Variants in PDE3A observed in about 807,000 individuals in gnomAD.
PDE3A encodes the protein cGMP-inhibited 3',5'-cyclic phosphodiesterase 3A.
A neutral mutation model predicts 98.3 loss-of-function variants in PDE3A; 43 were observed. The ratio of observed to expected loss-of-function variants is 0.44; its 90% CI spans 0.34 to 0.56. The LOEUF is 0.56. Ranked by LOEUF, PDE3A falls within the 20% of genes least tolerant of loss-of-function variation. The pLI is 0.01. For missense variants in PDE3A, 1,427 were observed against 1,440.7 expected, an observed-to-expected ratio of 0.99 and a Z score of 0.15; for synonymous variants, 663 against 567.9, an observed-to-expected ratio of 1.17 and a Z score of -2.38.
chr12:20,612,935 G>C (rs116735647), intron 2 of PDE3A, among the ~76,000 whole-genome samples: 2,799 of 151,816 alleles, frequency 0.018, 87 homozygotes, highest in African/African-American at 0.064. Flanking sequence ...CACACAAATG[G>C]AGTTTTTTTG....
intron 1 of PDE3A, among the ~76,000 whole-genome samples, chr12:20,515,084 G>A (rs1946292631): frequency 6.6e-6 from 1 of 152,172 alleles, no homozygotes; most frequent in African/African-American, 2.4e-5. Context: ...ATCAATCCCA[G>A]CCATGAGGGT....
chr12:20,496,946 A>G (rs1016099185), intron 1 of PDE3A, among the ~76,000 whole-genome samples: 1 of 152,234 alleles, frequency 6.6e-6, no homozygotes, highest in Non-Finnish European at 1.5e-5. Context: ...CTCAGGAAAC[A>G]TAAGAGAAGT....
rs865874002 is a variant in PDE3A at position 20,673,738 on chromosome 12, A to G, written c.3185-6292A>G. ...GGGGAGGGATAGCATTGGGAGATAT[A>G]CCTAATGCTAGATGACGAGTTAGTG... On this transcript the variant is annotated intron_variant, in intron 15 of 15. Coordinates refer to ENST00000359062, the MANE Select transcript of PDE3A (RefSeq NM_000921.5). 3.0e-3 allele frequency among the ~76,000 whole-genome samples: 433 copies of G among 146,444 alleles called. 3 individuals carry two copies. Among genetic ancestry groups the G allele is most frequent in the African/African-American group, 9.9e-3 (393 of 39,806 alleles).
chr12:20,658,990 A>G (rs1211126492), intron 15 of PDE3A, among the ~76,000 whole-genome samples: 1 of 152,154 alleles, frequency 6.6e-6, no homozygotes, highest in Non-Finnish European at 1.5e-5. Context: ...CTGTCATAAA[A>G]CATAGCACAT....
chr12:20,613,312 G>A, intron 2 of PDE3A, 131 bp from the exon 3 acceptor site: 1 of 808,884 alleles, frequency 1.2e-6, no homozygotes, highest in Non-Finnish European at 1.9e-6. Context: ...AATAGGTGGT[G>A]TGAATTTTAC....
intron 5 of PDE3A, among the ~76,000 whole-genome samples, chr12:20,626,128 T>C (rs1944257823): frequency 1.4e-5 from 2 of 147,628 alleles, no homozygotes; most frequent in Non-Finnish European, 2.9e-5. Flanking sequence ...TTGAAAGCAT[T>C]TTAGAAAATT....
chr12:20,420,487 A>G (rs1172213997), intron 1 of PDE3A, among the ~76,000 whole-genome samples: 1 of 152,168 alleles, frequency 6.6e-6, no homozygotes, highest in Non-Finnish European at 1.5e-5. Flanking sequence ...ATGAAACTCC[A>G]TTGGTAATGA....
chr12:20,674,396 A>G (rs922035377), intron 15 of PDE3A, among the ~76,000 whole-genome samples: 1 of 152,162 alleles, frequency 6.6e-6, no homozygotes, highest in South Asian at 2.1e-4. Context: ...AAGGCTTTCA[A>G]CTTTCCACAT....
At chr12:20,487,151 G>A (rs530743058) in intron 1 of PDE3A, among the ~76,000 whole-genome samples, 14 of 28,362 alleles carry the variant, frequency 4.9e-4, no homozygotes, top group East Asian at 0.031. Flanking sequence ...TTTGACTGGC[G>A]TAGTGTCTGT....
chr12:20,637,222 C>A lies in PDE3A; in HGVS notation c.2124C>A (p.Gly708=). ...TGGAAAATATAGGAAGAAAATGTGG[C>A]CGTATTCTTAGTCAGGTAAGAAATG... ...DLVENIGRKC[G]RILSQVSYRL... Residue 708 remains glycine, a synonymous_variant, in exon 9 of 16, where the codon GGC becomes GGA. Coordinates refer to ENST00000359062, the MANE Select transcript of PDE3A (RefSeq NM_000921.5). The A allele has an allele frequency of 6.2e-7, 1 of 1,606,186 alleles. No individual in the cohort carries two copies. The highest frequency in any genetic ancestry group is 8.5e-7 in the Non-Finnish European group (1 of 1,174,642).
At chr12:20,383,184 A>G (rs1387191368) in intron 1 of PDE3A, among the ~76,000 whole-genome samples, 2 of 151,960 alleles carry the variant, frequency 1.3e-5, no homozygotes, top group South Asian at 2.1e-4. Flanking sequence ...AGTGTGTCCT[A>G]TAACCCCACG....
intron 1 of PDE3A, among the ~76,000 whole-genome samples, chr12:20,530,415 A>T (rs1352689289): frequency 4.6e-5 from 7 of 152,148 alleles, no homozygotes; most frequent in Non-Finnish European, 1.0e-4. Context: ...TAATGTGAGT[A>T]TCCAATAATA....
intron 1 of PDE3A, among the ~76,000 whole-genome samples, chr12:20,492,846 T>A (rs1945852738): frequency 6.6e-6 from 1 of 152,100 alleles, no homozygotes; most frequent in Admixed American, 6.6e-5. Flanking sequence ...ATTTGTAAAA[T>A]CAGCCTCTTT....
chr12:20,576,103 A>G (rs781036376), intron 2 of PDE3A, among the ~76,000 whole-genome samples: 9 of 152,040 alleles, frequency 5.9e-5, no homozygotes, highest in Non-Finnish European at 1.2e-4. Context: ...ATGGAAAATG[A>G]GGTATCCATC....
At chr12:20,447,262 T>G (rs1250770412) in intron 1 of PDE3A, among the ~76,000 whole-genome samples, 1 of 152,198 alleles carries the variant, frequency 6.6e-6, no homozygotes, top group Non-Finnish European at 1.5e-5. Flanking sequence ...AATTGTGATA[T>G]TGTAAAATAT....
chr12:20,562,960 C>A (rs1942565653), intron 2 of PDE3A, among the ~76,000 whole-genome samples: 1 of 152,174 alleles, frequency 6.6e-6, no homozygotes. Flanking sequence ...AGACTATCAT[C>A]AGTATGCTTA....
At chr12:20,660,584 A>G (rs1046755438) in intron 15 of PDE3A, among the ~76,000 whole-genome samples, 2 of 152,136 alleles carry the variant, frequency 1.3e-5, no homozygotes, top group Admixed American at 6.5e-5. Flanking sequence ...AGATAATTGT[A>G]TCATCATGGC....
chr12:20,448,215 G>A (rs1328304206), intron 1 of PDE3A, among the ~76,000 whole-genome samples: 1 of 152,120 alleles, frequency 6.6e-6, no homozygotes, highest in East Asian at 1.9e-4. Flanking sequence ...CGAGGCGGGT[G>A]GATCACCTGA....
At chr12:20,383,271 C>T (rs889873152) in intron 1 of PDE3A, among the ~76,000 whole-genome samples, 2 of 104,116 alleles carry the variant, frequency 1.9e-5, no homozygotes, top group African/African-American at 3.9e-5. Flanking sequence ...TCTTGAAAAA[C>T]AAAATTATTT....
Sources: gnomAD v4.1 joint callset for allele counts (sites outside exome capture counted in the v4.1 genomes callset) on GRCh38, gnomAD v4.1.1 for gene constraint, MANE v1.5 for transcripts, NCBI Gene and HGNC (gene_info 2026-07-23, HGNC 2026-07-21) for gene names.